The following MYOCD variants were observed in gnomAD, a reference collection of about 807,000 sequenced individuals.
The protein encoded by MYOCD is myocardin.
MYOCD carries 32 observed loss-of-function variants against 96.1 expected under a neutral mutation model. That is an observed-to-expected ratio of 0.33 (90% CI 0.25 to 0.45). The LOEUF (loss-of-function observed/expected upper bound fraction) is 0.45. Ranked by LOEUF, MYOCD falls within the 20% of genes least tolerant of loss-of-function variation. The probability of loss-of-function intolerance (pLI) is 1.00; values close to 1 mark genes in which losing one functional copy is unlikely to be tolerated. For synonymous variants in MYOCD, 469 were observed against 469.0 expected (o/e 1.00, Z 0.00); for missense variants, 1,133 against 1,200.6 (o/e 0.94, Z 0.83).
intron 1 of MYOCD, among the ~76,000 whole-genome samples, chr17:12,671,550 T>C (rs1440125642): frequency 6.6e-6 from 1 of 152,242 alleles, no homozygotes; most frequent in Non-Finnish European, 1.5e-5. Flanking sequence ...TCAATGACGA[T>C]AGTGTGACAG....
At chr17:12,742,332 C>T (rs2032536196) in intron 7 of MYOCD, among the ~76,000 whole-genome samples, 1 of 152,166 alleles carries the variant, frequency 6.6e-6, no homozygotes, top group South Asian at 2.1e-4. Flanking sequence ...GGGTGCATTG[C>T]GCTGAGTCCA....
intron 1 of MYOCD, among the ~76,000 whole-genome samples, chr17:12,667,560 T>G (rs1405772615): frequency 6.6e-6 from 1 of 152,228 alleles, no homozygotes; most frequent in African/African-American, 2.4e-5. Flanking sequence ...GCCACCTTTC[T>G]GAAGAAGAGA....
intron 7 of MYOCD, among the ~76,000 whole-genome samples, chr17:12,743,956 C>G (rs926980028): frequency 6.6e-6 from 1 of 152,236 alleles, no homozygotes; most frequent in African/African-American, 2.4e-5. Flanking sequence ...TAAGATTCAA[C>G]ATTCCCTGTC....
chr17:12,700,917 T>G (rs541584159), intron 1 of MYOCD, among the ~76,000 whole-genome samples: 7 of 152,126 alleles, frequency 4.6e-5, no homozygotes, highest in South Asian at 4.2e-4. Flanking sequence ...TGTATGTGTG[T>G]GGGGGGGTTA....
At chr17:12,757,988 C>T (rs2033059990) in intron 11 of MYOCD, 97 bp from the exon 12 acceptor site, 1 of 914,722 alleles carries the variant, frequency 1.1e-6, no homozygotes, top group Non-Finnish European at 1.8e-6. Flanking sequence ...CCTCTTAGAT[C>T]AATTTTTCCA....
intron 1 of MYOCD, among the ~76,000 whole-genome samples, chr17:12,684,674 G>A (rs1026593592): frequency 4.0e-5 from 6 of 151,558 alleles, no homozygotes; most frequent in African/African-American, 1.2e-4. Context: ...GTGAAACCCC[G>A]TGTCTACTAA....
chr17:12,700,501 C>CCTCCTGGGTTCACGCCATT (rs1484943553), intron 1 of MYOCD, among the ~76,000 whole-genome samples: 4 of 140,500 alleles, frequency 2.8e-5, no homozygotes, highest in African/African-American at 1.1e-4. Flanking sequence ...GCAAGCTCTG[C>CCTCCTGGGTTCACGCCATT]CTCCTGGGTT....
At chr17:12,696,624 G>A (rs975857920) in intron 1 of MYOCD, among the ~76,000 whole-genome samples, 5 of 152,066 alleles carry the variant, frequency 3.3e-5, no homozygotes, top group African/African-American at 9.7e-5. Context: ...GCTGTGAGGT[G>A]GTTAATGTAT....
chr17:12,735,099 C>G (rs1310951428), intron 5 of MYOCD, among the ~76,000 whole-genome samples: 1 of 152,232 alleles, frequency 6.6e-6, no homozygotes, highest in African/African-American at 2.4e-5. Context: ...TCCATTACTT[C>G]CAGCTCCTCG....
At chr17:12,706,585 A>C (rs2031297527) in intron 2 of MYOCD, among the ~76,000 whole-genome samples, 1 of 152,178 alleles carries the variant, frequency 6.6e-6, no homozygotes, top group Non-Finnish European at 1.5e-5. Context: ...AAATACTCTG[A>C]GCCTGGGTCT....
chr17:12,705,398 C>A (rs2031252325), intron 2 of MYOCD: 1 of 459,712 alleles, frequency 2.2e-6, no homozygotes, highest in Non-Finnish European at 3.9e-6. Flanking sequence ...TTTAATGATA[C>A]TGGTTATGCC....
At chr17:12,697,258 A>G (rs2030797091) in intron 1 of MYOCD, among the ~76,000 whole-genome samples, 1 of 148,486 alleles carries the variant, frequency 6.7e-6, no homozygotes, top group Non-Finnish European at 1.5e-5. Context: ...ATCCAATCCC[A>G]TATGTTTTGT....
chr17:12,717,838 G>C (rs1345465700), intron 4 of MYOCD, among the ~76,000 whole-genome samples: 1 of 152,108 alleles, frequency 6.6e-6, no homozygotes, highest in Non-Finnish European at 1.5e-5. Context: ...TTACCTTCTG[G>C]TGTGCAGGGA....
chr17:12,752,376 C>A, intron 9 of MYOCD, 38 bp from the exon 10 acceptor site: 2 of 1,512,492 alleles, frequency 1.3e-6, no homozygotes, highest in South Asian at 2.6e-5. Flanking sequence ...AAAATATTGT[C>A]GTTAAACAGC....
chr17:12,760,756 A>C, intron 13 of MYOCD, 49 bp downstream of exon 13: 1 of 1,482,040 alleles, frequency 6.7e-7, no homozygotes, highest in Non-Finnish European at 9.4e-7. Flanking sequence ...GCCCACATGA[A>C]CTCTAAGGAA....
At chr17:12,730,281 T>G (rs2150697373) in intron 5 of MYOCD, among the ~76,000 whole-genome samples, 1 of 151,970 alleles carries the variant, frequency 6.6e-6, no homozygotes, top group Non-Finnish European at 1.5e-5. Context: ...AAACCCCATC[T>G]CTACTAAAAA....
intron 9 of MYOCD, among the ~76,000 whole-genome samples, chr17:12,749,709 G>GTGTATATATATACATATATGTA (rs1555535134): frequency 3.6e-5 from 5 of 139,220 alleles, no homozygotes; most frequent in Non-Finnish European, 6.0e-5. Context: ...ATACATATGT[G>GTGTATATATATACATATATGTA]TATATATATG....
Position 12,744,089 on chromosome 17 carries a change from C to A in MYOCD, c.718-94C>A. On this transcript the variant is annotated intron_variant, in intron 7 of 13. Transcript: ENST00000425538. ...TTATATTTCTGAGATCCAAGAATGGCCATCAGACAAAACTGCCTCACAACG... is the reference window on the plus strand; with the variant it reads ...TTATATTTCTGAGATCCAAGAATGGACATCAGACAAAACTGCCTCACAACG... 4 of 1,411,770 alleles carry A rather than the reference C, an allele frequency of 2.8e-6. No individual in the cohort carries two copies. In the South Asian group the frequency reaches 5.4e-5, roughly 19 times the overall value. The allele number at this position is 1,411,770 out of a possible 1,614,324, so 87.5% of individuals were successfully genotyped here.
intron 1 of MYOCD, among the ~76,000 whole-genome samples, chr17:12,694,754 T>C (rs1413728692): frequency 6.6e-6 from 1 of 152,114 alleles, no homozygotes; most frequent in Non-Finnish European, 1.5e-5. Context: ...GAGTGTTTCT[T>C]AATGTAATAT....
Sources: gnomAD v4.1 joint callset for allele counts (sites outside exome capture counted in the v4.1 genomes callset) on GRCh38, gnomAD v4.1.1 for gene constraint, MANE v1.5 for transcripts, NCBI Gene and HGNC (gene_info 2026-07-23, HGNC 2026-07-21) for gene names.